The following ATP5F1A variants were observed in gnomAD, a reference collection of about 807,000 sequenced individuals.
ATP5F1A encodes the protein ATP synthase F1 subunit alpha.
In ATP5F1A, 24 loss-of-function variants were observed where a neutral mutation model predicts 57.4. The ratio of observed to expected loss-of-function variants is 0.42; its 90% CI spans 0.30 to 0.59. ATP5F1A has a LOEUF of 0.59. Ranked by LOEUF, ATP5F1A falls within the 20% of genes least tolerant of loss-of-function variation. The pLI is 0.19. For synonymous variants in ATP5F1A, 251 were observed against 255.5 expected (o/e 0.98, Z 0.17); for missense variants, 494 against 707.9 (o/e 0.70, Z 3.43).
Position 46,081,258 on chromosome 18 carries a change from T to G in ATP5F1A, c.*3024A>C, listed in dbSNP as rs1175270265. 2.7e-5 allele frequency: 4 copies of G among 148,822 alleles called. No homozygotes were observed. Among genetic ancestry groups the G allele is most frequent in the African/African-American group, 9.9e-5 (4 of 40,250 alleles). 9.2% of individuals were successfully genotyped at this position (148,822 alleles called of 1,614,324 possible). A position where few individuals can be genotyped will look rare whatever the true frequency, so the allele number is the denominator to read the frequency against. On this transcript the variant is annotated 3_prime_UTR_variant, in exon 12 of 12. Coordinates refer to ENST00000398752, the MANE Select transcript of ATP5F1A (RefSeq NM_004046.6). ...TTATTGAGCATTTACGTGCCAGGAG[T>G]GGGCTACGAGATCCAGTCAACAAAC...
chr18:46,100,942 G>A (rs1340422311), upstream of ATP5F1A, among the ~76,000 whole-genome samples: 2 of 151,958 alleles, frequency 1.3e-5, no homozygotes, highest in Admixed American at 6.6e-5. Context: ...GTATGTTGGC[G>A]GGTGCCTGTA....
At chr18:46,092,214 AATAATAATAATAAT>A (rs1910614546) in intron 2 of ATP5F1A, 1 of 69,674 alleles carries the variant, frequency 1.4e-5, no homozygotes, top group South Asian at 6.3e-4. Flanking sequence ...TAATAATAAT[AATAATAATAATAAT>A]AAAAATCTGG....
In ATP5F1A at chr18:46,084,546, G is replaced by C; in HGVS notation, c.1538C>G (p.Ser513Cys). ...GGCTTGGTGCTGGCTGACGACATGA[G>C]ACAAGAAAGCATTCTCAAACTTTGT... is the stretch of plus-strand genomic sequence containing the variant. ...KITKFENAFL[S>C]HVVSQHQALL... The change falls in exon 11 of 12, where the codon TCT becomes TGT. Residue 513 changes from serine (S) to cysteine (C), a missense_variant. Around this residue, in one of 6 missense-constraint regions of ATP5F1A, gnomAD observed 127 missense variants for 195.2 expected, o/e 0.65. Coordinates refer to ENST00000398752, the MANE Select transcript of ATP5F1A (RefSeq NM_004046.6). 1 of 1,612,186 alleles carries C rather than the reference G, an allele frequency of 6.2e-7. No homozygotes were observed. Among genetic ancestry groups the C allele is most frequent in the Non-Finnish European group, 8.5e-7 (1 of 1,179,458 alleles).
chr18:46,095,712 G>T (rs1311345629), intron 1 of ATP5F1A, among the ~76,000 whole-genome samples: 6 of 151,264 alleles, frequency 4.0e-5, no homozygotes, highest in Non-Finnish European at 8.8e-5. Context: ...GACTTCCTGG[G>T]CTCAGGTGAT....
chr18:46,091,802 A>G lies in ATP5F1A; in HGVS notation c.189T>C (p.Asp63=). 1 of 1,614,000 alleles carries G rather than the reference A, an allele frequency of 6.2e-7. No individual in the cohort carries two copies. The highest frequency in any genetic ancestry group is 1.1e-5 in the South Asian group (1 of 91,072). Residue 63 remains aspartate (D), a synonymous_variant, in exon 3 of 12, where the codon GAT becomes GAC. Transcript: ENST00000398752. ...SILEERILGA[D]TSVDLEETGR... ...CAGTTTCTTCAAGATCAACAGAGGT[A>G]TCAGCTCCAAGAATACGCTCTTCAA...
At chr18:46,102,325 G>GT (rs201559662), upstream of ATP5F1A, among the ~76,000 whole-genome samples, 989 of 150,598 alleles carry the variant, frequency 6.6e-3, 24 homozygotes, top group Admixed American at 0.037. Flanking sequence ...TTTAGTTTTT[G>GT]TTTTTTTTTG....
Position 46,087,146 on chromosome 18 carries a change from G to A in ATP5F1A, c.1038C>T (p.Ser346=), listed in dbSNP as rs777794859. 1 of 1,614,074 alleles carries A rather than the reference G, an allele frequency of 6.2e-7. No homozygotes were observed. The highest frequency in any genetic ancestry group is 1.3e-5 in the African/African-American group (1 of 75,034). ...AYPGDVFYLH[S]RLLERAAKMN... is the part of the protein sequence containing the mutation. ...TTTTGGCTGCTCTCTCCAGCAACCG[G>A]GAGTGTAGGTAGAACACATCACCAG... is the stretch of plus-strand genomic sequence containing the variant. The change falls in exon 8 of 12, where the codon TCC becomes TCT. Residue 346 remains serine (S), a synonymous_variant. Coordinates refer to ENST00000398752, the MANE Select transcript of ATP5F1A (RefSeq NM_004046.6).
intron 10 of ATP5F1A, 160 bp from the exon 11 acceptor site, chr18:46,084,814 T>C (rs1192708139): frequency 2.9e-6 from 2 of 678,858 alleles, no homozygotes; most frequent in East Asian, 6.3e-5. Context: ...TTAATAATCC[T>C]TCCTCCCACC....
chr18:46,088,176 A>G lies in ATP5F1A; in HGVS notation c.732T>C (p.Cys244=). 1 of 1,607,416 alleles carries G rather than the reference A, an allele frequency of 6.2e-7. No individual in the cohort carries two copies. The change falls in exon 6 of 12, where the codon TGT becomes TGC. Residue 244 remains cysteine (C), a synonymous_variant. Transcript: ENST00000398752. ...DGSDEKKKLY[C]IYVAIGQKRS... is the part of the protein sequence containing the mutation. ...TCTTTTGACCAATAGCAACATAAAT[A>G]CAGTACAGCTTCTTCTTTTCATCAG...
chr18:46,086,309 AAATATAGTTAATATATT>A, intron 9 of ATP5F1A, 52 bp from the exon 10 acceptor site: 1 of 1,599,384 alleles, frequency 6.3e-7, no homozygotes, highest in East Asian at 2.2e-5. Context: ...AGCACTATAC[AAATATAGTTAATATATT>A]AATACCTTAA....
intron 1 of ATP5F1A, 48 bp from the exon 2 acceptor site, chr18:46,095,179 T>A (rs772973691): frequency 6.3e-7 from 1 of 1,576,168 alleles, no homozygotes; most frequent in South Asian, 1.1e-5. Context: ...AAAGCCTTTA[T>A]AAAACTTACA....
At chr18:46,102,260 C>T (rs1568258981), upstream of ATP5F1A, among the ~76,000 whole-genome samples, 4 of 151,672 alleles carry the variant, frequency 2.6e-5, no homozygotes, top group South Asian at 8.3e-4. Flanking sequence ...TTTTTTGCCC[C>T]ATACTGAAGG....
upstream of ATP5F1A, chr18:46,099,461 T>C (rs1218059055): frequency 2.0e-5 from 3 of 152,076 alleles, no homozygotes; most frequent in African/African-American, 7.2e-5. Context: ...TTATTTATTT[T>C]ATTTTATTTA....
chr18:46,091,132 T>C (rs1404032226), intron 3 of ATP5F1A, among the ~76,000 whole-genome samples: 1 of 152,214 alleles, frequency 6.6e-6, no homozygotes, highest in Non-Finnish European at 1.5e-5. Flanking sequence ...ACTAGACAGT[T>C]CCACTCTCTC....
At chr18:46,101,560 T>C (rs1395293088), upstream of ATP5F1A, among the ~76,000 whole-genome samples, 1 of 151,602 alleles carries the variant, frequency 6.6e-6, no homozygotes, top group East Asian at 2.0e-4. Flanking sequence ...CACTTCAGTA[T>C]GCGCGACAGG....
intron 2 of ATP5F1A, among the ~76,000 whole-genome samples, chr18:46,093,020 A>G (rs550564475): frequency 8.0e-4 from 121 of 152,046 alleles, no homozygotes; most frequent in Non-Finnish European, 1.4e-3. Context: ...ATGGTGGTGC[A>G]TGCCTGTAAT....
At chr18:46,087,579 T>C in intron 6 of ATP5F1A, 87 bp from the exon 7 acceptor site, 1 of 1,462,830 alleles carries the variant, frequency 6.8e-7, no homozygotes, top group Non-Finnish European at 9.3e-7. Context: ...TAAAAATATT[T>C]ACCATTAAGA....
At chr18:46,085,246 G>A (rs575485683) in intron 10 of ATP5F1A, 2 of 148,746 alleles carry the variant, frequency 1.3e-5, no homozygotes, top group Non-Finnish European at 3.0e-5. Flanking sequence ...AAATGGTAGA[G>A]GTTTTACCAT....
Position 46,104,019 on chromosome 18 carries a change from C to T in ATP5F1A, c.-49+118G>A, listed in dbSNP as rs141330648. The stretch of plus-strand genomic sequence containing the variant: ...GTAGAATATAAATTCTGAGTGGATG[C>T]AATCAATGTGGAAGAAACACAAACA... On this transcript the variant is annotated intron_variant, in intron 1 of 12. Transcript: ENST00000282050. 349 of 191,738 alleles carry T rather than the reference C, an allele frequency of 1.8e-3. 5 individuals carry two copies. Among genetic ancestry groups the T allele is most frequent in the Non-Finnish European group, 2.7e-3 (257 of 94,752 alleles). 11.9% of individuals were successfully genotyped at this position (191,738 alleles called of 1,614,324 possible). A position where few individuals can be genotyped will look rare whatever the true frequency, so the allele number is the denominator to read the frequency against.
Sources: allele counts gnomAD v4.1 joint callset (sites outside exome capture counted in the v4.1 genomes callset), GRCh38; gene constraint gnomAD v4.1.1; regional missense constraint gnomAD v4.1.1; transcripts MANE v1.5; gene names NCBI Gene and HGNC (gene_info 2026-07-23, HGNC 2026-07-21).